Variants in MAOB observed in about 807,000 individuals in gnomAD.
MAOB encodes monoamine oxidase B.
In MAOB, 15 loss-of-function variants were observed where a neutral mutation model predicts 41.9. That is an observed-to-expected ratio of 0.36 (90% CI 0.24 to 0.55). The LOEUF (loss-of-function observed/expected upper bound fraction) is 0.55. MAOB is among the 20% of genes least tolerant of loss of function. The pLI is 0.86. For synonymous variants in MAOB, 167 were observed against 144.2 expected (o/e 1.16, Z -1.13); for missense variants, 345 against 398.7 (o/e 0.87, Z 1.15).
chrX:43,805,365 G>GCAATT (rs1461695997), intron 3 of MAOB, among the ~76,000 whole-genome samples: 1 of 111,512 alleles, frequency 9.0e-6, no homozygotes, highest in African/African-American at 3.3e-5. Flanking sequence ...TATGACACAT[G>GCAATT]TGTACACCTA....
intron 3 of MAOB, among the ~76,000 whole-genome samples, chrX:43,835,136 C>T (rs185200072): frequency 1.3e-4 from 15 of 112,625 alleles, no homozygotes; most frequent in African/African-American, 4.2e-4. Context: ...ACCATACACG[C>T]ATGCACATGT....
chrX:43,836,433 G>A (rs1228702345), intron 3 of MAOB, among the ~76,000 whole-genome samples: 1 of 112,254 alleles, frequency 8.9e-6, no homozygotes, highest in Non-Finnish European at 1.9e-5. Context: ...TGATCACGAG[G>A]AGGCCAAATT....
chrX:43,819,296 A>G (rs1355409539), intron 3 of MAOB, among the ~76,000 whole-genome samples: 1 of 111,564 alleles, frequency 9.0e-6, no homozygotes, highest in East Asian at 2.8e-4. Context: ...TCCCAGCTGC[A>G]GAAAATCCAC....
rs2034126516 is a variant in MAOB at position 43,767,532 on chromosome X, G to T, written c.1497C>A (p.Thr499=). The change falls in exon 15 of 15, where the codon ACC becomes ACA. Residue 499 remains threonine, a synonymous_variant. Transcript: ENST00000378069. ...VPGLLRLIGL[T]TIFSATALGF... is the part of the protein sequence containing the mutation. Reference sequence around the variant, plus strand: ...CAAGAGCCGTTGCTGAAAAGATGGTGGTCAATCCAATCAGCCTGAGCAGGC... The same window carrying T: ...CAAGAGCCGTTGCTGAAAAGATGGTTGTCAATCCAATCAGCCTGAGCAGGC... 1 of 1,210,465 alleles carries T rather than the reference G, an allele frequency of 8.3e-7. No homozygotes were observed. The highest frequency in any genetic ancestry group is 1.1e-6 in the Non-Finnish European group (1 of 894,784).
intron 1 of MAOB, among the ~76,000 whole-genome samples, chrX:43,880,340 A>T (rs1366149482): frequency 8.9e-6 from 1 of 111,921 alleles, no homozygotes; most frequent in Non-Finnish European, 1.9e-5. Flanking sequence ...GAACAACATG[A>T]TCCATTTTTG....
At chrX:43,854,732 GGCCTTTCTC>G (rs778642407) in intron 1 of MAOB, among the ~76,000 whole-genome samples, 36 of 111,373 alleles carry the variant, frequency 3.2e-4, no homozygotes, top group African/African-American at 1.2e-3. Context: ...ATAAAGGAGA[GGCCTTTCTC>G]CATTCAACAC....
At chrX:43,808,181 G>A (rs1385222921) in intron 3 of MAOB, among the ~76,000 whole-genome samples, 5 of 111,766 alleles carry the variant, frequency 4.5e-5, no homozygotes, top group Non-Finnish European at 9.4e-5. Context: ...TTGTGCCCAC[G>A]AGTAAAGGGA....
intron 1 of MAOB, among the ~76,000 whole-genome samples, chrX:43,868,513 G>T (rs1202333117): frequency 5.4e-5 from 6 of 111,416 alleles, no homozygotes; most frequent in Non-Finnish European, 9.4e-5. Context: ...GGTATATTTT[G>T]GATGTTCTGC....
chrX:43,814,636 T>A (rs2034786615), intron 3 of MAOB, among the ~76,000 whole-genome samples: 1 of 111,837 alleles, frequency 8.9e-6, no homozygotes, highest in Non-Finnish European at 1.9e-5. Flanking sequence ...GAACCAATCA[T>A]CTGTATCATC....
chrX:43,767,453 A>T lies in MAOB; in HGVS notation c.*13T>A. ...CAGTAAGAAGAGAGTGTGATTACAG[A>T]CACCCTCTCTCTTTAGACTCTCACA... On this transcript the variant is annotated 3_prime_UTR_variant, in exon 15 of 15. Coordinates refer to ENST00000378069, the MANE Select transcript of MAOB (RefSeq NM_000898.5). 1 of 1,197,777 alleles carries T rather than the reference A, an allele frequency of 8.3e-7. No homozygotes were observed. The highest frequency in any genetic ancestry group is 1.1e-6 in the Non-Finnish European group (1 of 886,580).
chrX:43,880,480 G>C (rs187122323), intron 1 of MAOB, among the ~76,000 whole-genome samples: 101 of 112,741 alleles, frequency 9.0e-4, no homozygotes, highest in African/African-American at 2.9e-3. Context: ...CTGTAATCCA[G>C]CAGTGACTAA....
intron 8 of MAOB, among the ~76,000 whole-genome samples, chrX:43,789,271 AC>A (rs1349540869): frequency 8.9e-6 from 1 of 112,131 alleles, no homozygotes; most frequent in Non-Finnish European, 1.9e-5. Context: ...AACTTGTATT[AC>A]CTATGCATAC....
At chrX:43,853,283 A>AG (rs1347376752) in intron 1 of MAOB, among the ~76,000 whole-genome samples, 1 of 108,667 alleles carries the variant, frequency 9.2e-6, no homozygotes, top group African/African-American at 3.3e-5. Flanking sequence ...AAAAAAAAAA[A>AG]AAAAAAGAAA....
intron 1 of MAOB, among the ~76,000 whole-genome samples, chrX:43,860,308 A>G (rs2035323834): frequency 8.9e-6 from 1 of 111,894 alleles, no homozygotes; most frequent in African/African-American, 3.2e-5. Flanking sequence ...CCTCTATGTA[A>G]TAATCATGTC....
intron 3 of MAOB, among the ~76,000 whole-genome samples, 200 bp from the exon 4 acceptor site, chrX:43,803,604 T>A (rs989771757): frequency 2.7e-5 from 3 of 112,036 alleles, no homozygotes; most frequent in Admixed American, 9.5e-5. Flanking sequence ...TCTCTGTTAA[T>A]TAAGTTCACT....
At chrX:43,841,415 G>A (rs1013631346) in intron 2 of MAOB, among the ~76,000 whole-genome samples, 1 of 111,895 alleles carries the variant, frequency 8.9e-6, no homozygotes, top group Non-Finnish European at 1.9e-5. Context: ...TTTAGTTTAT[G>A]TGAATAAATA....
chrX:43,798,768 T>C (rs1414980513), intron 5 of MAOB, among the ~76,000 whole-genome samples: 3 of 111,979 alleles, frequency 2.7e-5, no homozygotes, highest in African/African-American at 6.5e-5. Context: ...ATGGTTGGGA[T>C]AAATGATATT....
intron 1 of MAOB, among the ~76,000 whole-genome samples, chrX:43,877,528 A>G (rs1422543068): frequency 1.8e-5 from 2 of 112,188 alleles, no homozygotes; most frequent in Non-Finnish European, 3.8e-5. Flanking sequence ...TACAGCATGT[A>G]GATAACGCTT....
intron 3 of MAOB, among the ~76,000 whole-genome samples, chrX:43,803,969 T>C (rs2034630345): frequency 9.0e-6 from 1 of 111,357 alleles, no homozygotes; most frequent in Admixed American, 9.6e-5. Flanking sequence ...AACTTCAAAC[T>C]TCTCTTCTAG....
Sources: gnomAD v4.1 joint callset for allele counts (sites outside exome capture counted in the v4.1 genomes callset) on GRCh38, gnomAD v4.1.1 for gene constraint, MANE v1.5 for transcripts, NCBI Gene and HGNC (gene_info 2026-07-23, HGNC 2026-07-21) for gene names.